DOCK2: variants seen among roughly 807,000 people sequenced by gnomAD.
DOCK2 encodes dedicator of cytokinesis 2.
DOCK2 carries 87 observed loss-of-function variants against 248.9 expected under a neutral mutation model. The ratio of observed to expected loss-of-function variants is 0.35; its 90% CI spans 0.29 to 0.42. The LOEUF (loss-of-function observed/expected upper bound fraction) is 0.42. Ranked by LOEUF, DOCK2 falls within the 10% of genes least tolerant of loss-of-function variation. The probability of loss-of-function intolerance (pLI) is 1.00; values close to 1 mark genes in which losing one functional copy is unlikely to be tolerated. For missense variants in DOCK2, 1,747 were observed against 2,300.2 expected (o/e 0.76, Z 4.92); for synonymous variants, 805 against 821.6 (o/e 0.98, Z 0.35).
At chr5:169,807,598 C>T (rs757229732) in intron 26 of DOCK2, among the ~76,000 whole-genome samples, 19 of 151,838 alleles carry the variant, frequency 1.3e-4, no homozygotes, top group Non-Finnish European at 1.6e-4. Flanking sequence ...TTTGGGAGGC[C>T]GAGGCGGGCG....
At chr5:169,963,871 GCT>G (rs559411657) in intron 27 of DOCK2, among the ~76,000 whole-genome samples, 26 of 152,262 alleles carry the variant, frequency 1.7e-4, no homozygotes, top group African/African-American at 6.0e-4. Context: ...ACCCCTAGAT[GCT>G]CTAATTCAGT....
rs546998995 is a variant in DOCK2 at position 169,910,898 on chromosome 5, T to A, written c.2799+70046T>A. Among the ~76,000 whole-genome samples, 65 of 152,332 alleles carry A rather than the reference T, an allele frequency of 4.3e-4. 1 individual carries two copies. The highest frequency in any genetic ancestry group is 1.6e-3 in the African/African-American group (65 of 41,570). The stretch of plus-strand genomic sequence containing the variant: ...TCCTGCAGGGGGTTGGTTAACCATT[T>A]GTCCTCAGAACACTATCCTCACAAG... On this transcript the variant is annotated intron_variant, in intron 27 of 51. Coordinates refer to ENST00000520908, the MANE Select transcript of DOCK2 (RefSeq NM_004946.3).
intron 30 of DOCK2, among the ~76,000 whole-genome samples, chr5:169,996,614 C>T (rs1305291472): frequency 6.6e-6 from 1 of 152,150 alleles, no homozygotes; most frequent in Non-Finnish European, 1.5e-5. Context: ...ACTGGGACCT[C>T]TAAGAGATTC....
chr5:169,958,091 A>C (rs915149209), intron 27 of DOCK2, among the ~76,000 whole-genome samples: 1 of 152,180 alleles, frequency 6.6e-6, no homozygotes, highest in Non-Finnish European at 1.5e-5. Context: ...AGCAAACATG[A>C]GTGCAAGTGT....
intron 40 of DOCK2, among the ~76,000 whole-genome samples, chr5:170,048,478 AG>A (rs1017509099): frequency 1.3e-5 from 2 of 152,256 alleles, no homozygotes; most frequent in African/African-American, 4.8e-5. Context: ...TAGGAAAAAT[AG>A]CTCTATTTTC....
chr5:169,830,626 C>G (rs1433545575), intron 26 of DOCK2, among the ~76,000 whole-genome samples: 2 of 152,144 alleles, frequency 1.3e-5, no homozygotes, highest in Non-Finnish European at 2.9e-5. Flanking sequence ...CTTTAGGAGG[C>G]TTAATTTTTT....
chr5:169,747,363 C>G (rs1231600482), intron 22 of DOCK2, 33 bp from the exon 23 acceptor site: 1 of 1,580,156 alleles, frequency 6.3e-7, no homozygotes, highest in Non-Finnish European at 8.6e-7. Flanking sequence ...TGTCTGTTAG[C>G]TTGAGAAATG....
intron 27 of DOCK2, among the ~76,000 whole-genome samples, chr5:169,901,164 T>A (rs1286201934): frequency 6.6e-6 from 1 of 151,784 alleles, no homozygotes; most frequent in Non-Finnish European, 1.5e-5. Context: ...GGATGGTGGG[T>A]GTGATTGAGG....
chr5:169,670,260 A>G (rs1758972935), intron 3 of DOCK2, among the ~76,000 whole-genome samples: 1 of 152,096 alleles, frequency 6.6e-6, no homozygotes, highest in African/African-American at 2.4e-5. Flanking sequence ...GAGTGGCCAT[A>G]ATGGGTTGGA....
Position 169,695,863 on chromosome 5 carries a change from G to A in DOCK2, c.904G>A (p.Val302Ile). Residue 302 changes from valine to isoleucine, a missense_variant, in exon 10 of 52, where the codon GTC becomes ATC. This residue lies in a region of DOCK2 where 375 missense variants were observed against 510.9 expected (regional missense o/e 0.73). Coordinates refer to ENST00000520908, the MANE Select transcript of DOCK2 (RefSeq NM_004946.3). ...KIYLICQIVR[V>I]GKMDLKDTGA... ...TTACTTGATTTGTCAAATAGTCCGG[G>A]TCGGCAAGATGGATCTTAAGGATAC... 6.2e-7 allele frequency: 1 copy of A among 1,613,980 alleles called. No individual in the cohort carries two copies. The highest frequency in any genetic ancestry group is 8.5e-7 in the Non-Finnish European group (1 of 1,179,968).
At chr5:169,956,040 A>T (rs983494981) in intron 27 of DOCK2, among the ~76,000 whole-genome samples, 3 of 134,662 alleles carry the variant, frequency 2.2e-5, no homozygotes, top group Non-Finnish European at 4.8e-5. Context: ...CATAGATTTG[A>T]AAAAAAAAAA....
chr5:169,716,187 A>C, intron 19 of DOCK2, 26 bp from the exon 20 acceptor site: 1 of 1,605,552 alleles, frequency 6.2e-7, no homozygotes, highest in Non-Finnish European at 8.5e-7. Flanking sequence ...TTTCTGAAGT[A>C]GTGCAACCTT....
chr5:169,991,242 C>T (rs1480120550), intron 29 of DOCK2, among the ~76,000 whole-genome samples: 1 of 152,226 alleles, frequency 6.6e-6, no homozygotes, highest in Non-Finnish European at 1.5e-5. Flanking sequence ...CGGCTGCCTC[C>T]TGACACCAGG....
chr5:169,926,496 A>G (rs1775465968), intron 27 of DOCK2, among the ~76,000 whole-genome samples: 1 of 152,326 alleles, frequency 6.6e-6, no homozygotes, highest in South Asian at 2.1e-4. Context: ...CCATGTTCAA[A>G]GAAAGCTTTG....
intron 2 of DOCK2, among the ~76,000 whole-genome samples, chr5:169,662,701 T>A (rs1758511948): frequency 6.6e-6 from 1 of 152,162 alleles, no homozygotes; most frequent in African/African-American, 2.4e-5. Context: ...CCATCAGATC[T>A]CGTGAGAACT....
intron 27 of DOCK2, among the ~76,000 whole-genome samples, chr5:169,902,260 G>A (rs1233499553): frequency 6.6e-6 from 1 of 152,228 alleles, no homozygotes; most frequent in Non-Finnish European, 1.5e-5. Context: ...CAGGAGCAAA[G>A]AGGCACAATG....
chr5:170,046,045 G>T, intron 39 of DOCK2, 140 bp downstream of exon 39: 1 of 739,348 alleles, frequency 1.4e-6, no homozygotes, highest in Non-Finnish European at 2.3e-6. Context: ...GGACCTGAGA[G>T]AGGCTGTACT....
intron 29 of DOCK2, among the ~76,000 whole-genome samples, chr5:169,989,110 A>G (rs1249769458): frequency 6.6e-6 from 1 of 152,050 alleles, no homozygotes; most frequent in Admixed American, 6.6e-5. Context: ...TTAGTCATCT[A>G]TTATTTACTT....
intron 29 of DOCK2, among the ~76,000 whole-genome samples, chr5:169,987,526 G>A (rs987973462): frequency 1.3e-5 from 2 of 152,192 alleles, no homozygotes; most frequent in African/African-American, 4.8e-5. Context: ...CCAGGGTCTT[G>A]GGGTTGGAGC....
Sources: allele counts gnomAD v4.1 joint callset (sites outside exome capture counted in the v4.1 genomes callset), GRCh38; gene constraint gnomAD v4.1.1; regional missense constraint gnomAD v4.1.1; transcripts MANE v1.5; gene names NCBI Gene and HGNC (gene_info 2026-07-23, HGNC 2026-07-21).